Variants in NR5A1 observed in about 807,000 individuals in gnomAD.
NR5A1 encodes nuclear receptor subfamily 5 group A member 1, also known as steroidogenic factor 1.
A neutral mutation model predicts 42.7 loss-of-function variants in NR5A1; 6 were observed. The ratio of observed to expected loss-of-function variants is 0.14; its 90% confidence interval spans 0.08 to 0.28. The LOEUF is 0.28. Ranked by LOEUF, NR5A1 falls within the 10% of genes least tolerant of loss-of-function variation. The probability of loss-of-function intolerance (pLI) is 1.00; values close to 1 mark genes in which losing one functional copy is unlikely to be tolerated. For missense variants in NR5A1, 442 were observed against 626.4 expected (o/e 0.71, Z 3.14); for synonymous variants, 274 against 277.5 (o/e 0.99, Z 0.12).
intron 4 of NR5A1, among the ~76,000 whole-genome samples, chr9:124,495,578 C>T (rs1832379262): frequency 6.6e-6 from 1 of 152,294 alleles, no homozygotes; most frequent in East Asian, 1.9e-4. Flanking sequence ...AAACTCAGGC[C>T]CACCGTAGAC....
At chr9:124,486,583 C>G (rs1009760193) in intron 6 of NR5A1, among the ~76,000 whole-genome samples, 1 of 152,098 alleles carries the variant, frequency 6.6e-6, no homozygotes, top group African/African-American at 2.4e-5. Flanking sequence ...GAGTTCTGTC[C>G]GAGATCCCCC....
rs1230702883 is a variant in NR5A1 at position 124,496,076 on chromosome 9, A to T, written c.871-2927T>A. Among the ~76,000 whole-genome samples, 1 of 152,050 alleles carries T rather than the reference A, an allele frequency of 6.6e-6. No individual in the cohort carries two copies. The highest frequency in any genetic ancestry group is 1.5e-5 in the Non-Finnish European group (1 of 68,004). On this transcript the variant is annotated intron_variant, in intron 4 of 6. Transcript: ENST00000373588. This position sits in a 1 kb window ranked among gnomAD's most constrained non-coding sequence, Gnocchi z 5.0. ...GTGGATGCTGCCCGGCCGGGATCCC[A>T]CCTGCCCCTTGGCCAAGCAGGTCTT...
In NR5A1 at chr9:124,498,090, C is replaced by T. The variant is rs1832413283; in HGVS notation, c.870+2000G>A. The stretch of plus-strand genomic sequence containing the variant: ...CTGCTCCACTCTCAGAGCCAGAGAG[C>T]CCCCTCTTCTGTCTGCTAAGATGTG... On this transcript the variant is annotated intron_variant, in intron 4 of 6. Transcript: ENST00000373588. This position sits in a 1 kb window ranked among gnomAD's most constrained non-coding sequence, Gnocchi z 4.6. Among the ~76,000 whole-genome samples the T allele has an allele frequency of 6.6e-6, 1 of 152,170 alleles. No individual in the cohort carries two copies. The highest frequency in any genetic ancestry group is 2.4e-5 in the African/African-American group (1 of 41,438).
chr9:124,489,757 C>CCCCCCG (rs543946825), intron 6 of NR5A1, among the ~76,000 whole-genome samples: 4 of 135,446 alleles, frequency 3.0e-5, no homozygotes, highest in South Asian at 2.8e-4. Flanking sequence ...CCGCCCCCCA[C>CCCCCCG]CCCAATGGCT....
chr9:124,484,032 T>A (rs1370308724), intron 6 of NR5A1, among the ~76,000 whole-genome samples: 1 of 152,144 alleles, frequency 6.6e-6, no homozygotes, highest in African/African-American at 2.4e-5. Flanking sequence ...CTGGCCTACC[T>A]TAAATGTGCT....
At position 124,500,068 on chromosome 9, in the gene NR5A1, C is replaced by A. The variant is rs1203182576; in HGVS notation, c.870+22G>T. On this transcript the variant is annotated intron_variant, in intron 4 of 6. Transcript: ENST00000373588. This position sits in a 1 kb window ranked among gnomAD's most constrained non-coding sequence, Gnocchi z 6.9. ...CGGGAGGACCATGATGCAGGGCCAG[C>A]CGGGCGGGAGGAGAGACTCACCTCC... The A allele has an allele frequency of 6.2e-7, 1 of 1,613,042 alleles. No homozygotes were observed. Among genetic ancestry groups the A allele is most frequent in the Non-Finnish European group, 8.5e-7 (1 of 1,180,028 alleles).
At position 124,501,450 on chromosome 9, in the gene NR5A1, A is replaced by G. The variant is rs1832470267; in HGVS notation, c.245-735T>C. On this transcript the variant is annotated intron_variant, in intron 3 of 6. Transcript: ENST00000373588. The surrounding 1 kb of genome is among the most constrained non-coding windows in gnomAD (Gnocchi z 4.1). ...TCCTCCGCCTGGCGAGGAATGTGTC[A>G]TCAGCCAGACCCAACAGGTACATCT... Among the ~76,000 whole-genome samples the G allele has an allele frequency of 6.6e-6, 1 of 152,220 alleles. No homozygotes were observed. The highest frequency in any genetic ancestry group is 2.1e-4 in the South Asian group (1 of 4,834).
intron 5 of NR5A1, among the ~76,000 whole-genome samples, chr9:124,491,965 C>G (rs1467015157): frequency 6.6e-6 from 1 of 152,180 alleles, no homozygotes; most frequent in African/African-American, 2.4e-5. Flanking sequence ...ACCCACACTT[C>G]ATGCAGACTG....
At chr9:124,507,174 G>A (rs1832575124) in intron 1 of NR5A1, 75 bp downstream of exon 1, 1 of 152,434 alleles carries the variant, frequency 6.6e-6, no homozygotes, top group Non-Finnish European at 1.5e-5. Flanking sequence ...AGCAGGCAGT[G>A]GCCGGCCCAG....
intron 6 of NR5A1, 53 bp from the exon 7 acceptor site, chr9:124,483,058 G>A (rs199508437): frequency 5.3e-5 from 86 of 1,609,900 alleles, no homozygotes; most frequent in Admixed American, 2.3e-4. Flanking sequence ...GCCCATCAGG[G>A]CTGGGCCAAC....
At chr9:124,492,783 C>G (rs1832335591) in intron 5 of NR5A1, among the ~76,000 whole-genome samples, 1 of 152,236 alleles carries the variant, frequency 6.6e-6, no homozygotes, top group African/African-American at 2.4e-5. Context: ...CTCACCATGC[C>G]CACACCCCCT....
At chr9:124,485,482 C>T (rs1832193713) in intron 6 of NR5A1, among the ~76,000 whole-genome samples, 1 of 152,154 alleles carries the variant, frequency 6.6e-6, no homozygotes, top group Non-Finnish European at 1.5e-5. Context: ...TTTAGGGAAA[C>T]CGGAGCTGGG....
chr9:124,483,753 A>C (rs1361342297), intron 6 of NR5A1, among the ~76,000 whole-genome samples: 2 of 152,164 alleles, frequency 1.3e-5, no homozygotes, highest in African/African-American at 2.4e-5. Flanking sequence ...ACAGAGGCGC[A>C]CTGTGGGTGG....
At chr9:124,488,877 G>A (rs531221018) in intron 6 of NR5A1, among the ~76,000 whole-genome samples, 6 of 152,366 alleles carry the variant, frequency 3.9e-5, no homozygotes, top group South Asian at 2.1e-4. Flanking sequence ...GAGTGCGCAC[G>A]CACGCACCCT....
chr9:124,497,259 C>T (rs1028690811), intron 4 of NR5A1, among the ~76,000 whole-genome samples: 4 of 152,156 alleles, frequency 2.6e-5, no homozygotes, highest in African/African-American at 7.2e-5. Context: ...ATTTTCAAGA[C>T]GAGGAAACTG....
intron 6 of NR5A1, among the ~76,000 whole-genome samples, chr9:124,487,342 G>C (rs928955559): frequency 1.3e-5 from 2 of 152,252 alleles, no homozygotes; most frequent in Non-Finnish European, 2.9e-5. Context: ...TTTTGTTGGC[G>C]CGGAGCAGTG....
rs1170256707 is a variant in NR5A1, at chr9:124,501,363, C to T, written c.245-648G>A. ...CCTTCACTGGCTGCGAATGTGAAGCCAAGTTTAGAGCTGGCCAAGGCTCTA... is the reference window on the plus strand; with the variant it reads ...CCTTCACTGGCTGCGAATGTGAAGCTAAGTTTAGAGCTGGCCAAGGCTCTA... On this transcript the variant is annotated intron_variant, in intron 3 of 6. Coordinates refer to ENST00000373588, the MANE Select transcript of NR5A1 (RefSeq NM_004959.5). The surrounding 1 kb of genome is among the most constrained non-coding windows in gnomAD (Gnocchi z 4.1). Among the ~76,000 whole-genome samples the T allele has an allele frequency of 1.3e-5, 2 of 152,224 alleles. No individual in the cohort carries two copies. The highest frequency in any genetic ancestry group is 3.9e-4 in the East Asian group (2 of 5,194).
rs1335749394 is a variant in NR5A1 at position 124,503,492 on chromosome 9, G to T, written c.-15-82C>A. On this transcript the variant is annotated intron_variant, in intron 1 of 6. Transcript: ENST00000373588. The surrounding 1 kb of genome is among the most constrained non-coding windows in gnomAD (Gnocchi z 9.6). ...CGCGGCCGCCGCCCCAGCCGCTGTC[G>T]CCGGCCCGTCGCGTAATCCCCTCTC... 2 of 1,184,282 alleles carry T rather than the reference G, an allele frequency of 1.7e-6. No individual in the cohort carries two copies. The highest frequency in any genetic ancestry group is 2.3e-6 in the Non-Finnish European group (2 of 853,874). 73.4% of individuals were successfully genotyped at this position (1,184,282 alleles called of 1,614,324 possible).
rs1054837364 is a variant in NR5A1, at chr9:124,503,810, G to C, written c.-15-400C>G. On this transcript the variant is annotated intron_variant, in intron 1 of 6. Coordinates refer to ENST00000373588, the MANE Select transcript of NR5A1 (RefSeq NM_004959.5). This position sits in a 1 kb window ranked among gnomAD's most constrained non-coding sequence, Gnocchi z 9.6. ...AGGAGCGCTGGGGCGCCCGGCCCGG[G>C]TGTTCTGGGAACCCGACAGAGACGA... Among the ~76,000 whole-genome samples, 2 of 152,244 alleles carry C rather than the reference G, an allele frequency of 1.3e-5. No individual in the cohort carries two copies. The highest frequency in any genetic ancestry group is 4.8e-5 in the African/African-American group (2 of 41,470).
Sources: allele counts gnomAD v4.1 joint callset (sites outside exome capture counted in the v4.1 genomes callset), GRCh38; gene constraint gnomAD v4.1.1; non-coding constraint Gnocchi (gnomAD v3.1); transcripts MANE v1.5; gene names NCBI Gene and HGNC (gene_info 2026-07-23, HGNC 2026-07-21).